DENND3: variants seen among roughly 807,000 people sequenced by gnomAD.
DENND3 encodes the protein DENN domain-containing protein 3.
Under a neutral mutation model 135.1 loss-of-function variants are expected in DENND3, and 88 were observed. That is an observed-to-expected ratio of 0.65 (90% CI 0.55 to 0.78). The LOEUF (loss-of-function observed/expected upper bound fraction) is 0.78. Ranked by LOEUF, DENND3 falls within the 30% of genes least tolerant of loss-of-function variation. The pLI is 0.00. For synonymous variants in DENND3, 693 were observed against 712.3 expected, an observed-to-expected ratio of 0.97 and a Z score of 0.43; for missense variants, 1,392 against 1,688.4, an observed-to-expected ratio of 0.82 and a Z score of 3.08.
intron 1 of DENND3, among the ~76,000 whole-genome samples, chr8:141,131,302 C>T (rs941729451): frequency 6.6e-6 from 1 of 152,196 alleles, no homozygotes; most frequent in Non-Finnish European, 1.5e-5. Flanking sequence ...ATAGGTGTGA[C>T]AGGATCCATT....
intron 20 of DENND3, chr8:141,191,490 T>G (rs1221854196): frequency 6.6e-6 from 1 of 152,286 alleles, no homozygotes; most frequent in Non-Finnish European, 1.5e-5. Context: ...GACTGTTTTC[T>G]GAAGTGGCGG....
rs527621608 is a variant in DENND3 at position 141,194,386 on chromosome 8, C to T, written c.*153C>T. ...CTTACCGTGTGGCCAGCCGCGAGAC[C>T]CATGGCCACGCACCTTCTCTCAGGC... On this transcript the variant is annotated 3_prime_UTR_variant, in exon 23 of 23. Coordinates refer to ENST00000519811, the MANE Select transcript of DENND3 (RefSeq NM_001352890.3). 9.3e-6 allele frequency: 8 copies of T among 863,476 alleles called. No homozygotes were observed. The South Asian group carries it at 1.4e-4, about 15-fold the overall frequency. 53.5% of individuals were successfully genotyped at this position (863,476 alleles called of 1,614,324 possible).
chr8:141,180,165 A>G (rs1822909291), intron 16 of DENND3, among the ~76,000 whole-genome samples: 1 of 152,184 alleles, frequency 6.6e-6, no homozygotes, highest in Non-Finnish European at 1.5e-5. Context: ...AGGCATTTTG[A>G]CAGCACCTGG....
Position 141,146,510 on chromosome 8 carries a change from A to G in DENND3, c.735+2251A>G, listed in dbSNP as rs1818160707. Among the ~76,000 whole-genome samples the G allele has an allele frequency of 1.3e-5, 2 of 152,218 alleles. No individual in the cohort carries two copies. The highest frequency in any genetic ancestry group is 2.4e-5 in the African/African-American group (1 of 41,458). On this transcript the variant is annotated intron_variant, in intron 5 of 22. Coordinates refer to ENST00000519811, the MANE Select transcript of DENND3 (RefSeq NM_001352890.3). The surrounding 1 kb of genome is among the most constrained non-coding windows in gnomAD (Gnocchi z 4.3). ...TAATAGACACCCGTCAAACGTCTCAAAATGTTTAGTAAATGTCGATTCAGT... is the reference window on the plus strand; with the variant it reads ...TAATAGACACCCGTCAAACGTCTCAGAATGTTTAGTAAATGTCGATTCAGT...
In DENND3 at chr8:141,141,504, T is replaced by G; in HGVS notation, c.623+180T>G. ...GGGCAGTTCTCTGTGCCTCTTAGGC[T>G]GTTGCTTAAGGCTGGGGGCAGTGGG... On this transcript the variant is annotated intron_variant, in intron 4 of 22. Transcript: ENST00000519811. The surrounding 1 kb of genome is among the most constrained non-coding windows in gnomAD (Gnocchi z 5.3). The G allele has an allele frequency of 3.2e-6, 2 of 620,512 alleles. No individual in the cohort carries two copies. Among genetic ancestry groups the G allele is most frequent in the Non-Finnish European group, 5.2e-6 (2 of 381,940 alleles). 38.4% of individuals were successfully genotyped at this position (620,512 alleles called of 1,614,324 possible). A position where few individuals can be genotyped will look rare whatever the true frequency, so the allele number is the denominator to read the frequency against.
In DENND3 at chr8:141,151,814, G is replaced by A. The variant is rs758744672; in HGVS notation, c.1051G>A (p.Asp351Asn). 3.3e-5 allele frequency: 53 copies of A among 1,614,024 alleles called. No homozygotes were observed. The highest frequency in any genetic ancestry group is 4.1e-5 in the Non-Finnish European group (48 of 1,180,046). The change falls in exon 7 of 23, where the codon GAC (aspartate) becomes AAC (asparagine). Residue 351 changes from aspartate (D) to asparagine (N), a missense_variant. By Grantham distance (23) the Asp-to-Asn change is conservative. Transcript: ENST00000519811. ...PTSFLMGCHLDHFEEVSKEAD... is the reference protein window; with the variant it reads ...PTSFLMGCHLNHFEEVSKEAD... ...GTCCTTCCTGATGGGCTGCCATCTC[G>A]ACCACTTCGAAGAAGTCAGCAAGGT...
chr8:141,189,168 A>G, intron 19 of DENND3, 22 bp downstream of exon 19: 1 of 1,613,882 alleles, frequency 6.2e-7, no homozygotes, highest in Non-Finnish European at 8.5e-7. Context: ...TCTGCTGGGG[A>G]GAAGGGACTG....
intron 22 of DENND3, 143 bp from the exon 23 acceptor site, chr8:141,193,890 C>T: frequency 1.1e-6 from 1 of 929,586 alleles, no homozygotes; most frequent in East Asian, 2.6e-5. Flanking sequence ...CCAGGCGGCC[C>T]TGACCCTCAG....
At chr8:141,152,596 A>G (rs1406574689) in intron 7 of DENND3, among the ~76,000 whole-genome samples, 1 of 152,212 alleles carries the variant, frequency 6.6e-6, no homozygotes, top group Non-Finnish European at 1.5e-5. Context: ...CATTGTATAA[A>G]TAGACCGAGT....
At chr8:141,187,165 C>G (rs1375489280) in intron 18 of DENND3, among the ~76,000 whole-genome samples, 4 of 151,960 alleles carry the variant, frequency 2.6e-5, no homozygotes, top group African/African-American at 9.7e-5. Flanking sequence ...ACTCCTTGAG[C>G]ATGATAGGAT....
At chr8:141,160,810 T>C (rs368347564) in intron 9 of DENND3, 23 bp downstream of exon 9, 63 of 1,598,606 alleles carry the variant, frequency 3.9e-5, no homozygotes, top group Non-Finnish European at 5.4e-5. Context: ...ACATTCCCAG[T>C]GTCCATGAGG....
At position 141,167,519 on chromosome 8, in the gene DENND3, C is replaced by T. The variant is rs556590380; in HGVS notation, c.1754-485C>T. 8.5e-5 allele frequency among the ~76,000 whole-genome samples: 13 copies of T among 152,304 alleles called. No homozygotes were observed. The East Asian group carries it at 2.5e-3, about 29-fold the overall frequency. On this transcript the variant is annotated intron_variant, in intron 12 of 22. Transcript: ENST00000519811. This position sits in a 1 kb window ranked among gnomAD's most constrained non-coding sequence, Gnocchi z 4.1. ...AGACACACACCTGGTTGAAGTGTGG[C>T]TCAGGCACTTAGTCGCTGTGTACCT...
Position 141,141,577 on chromosome 8 carries a change from G to A in DENND3, c.623+253G>A. The A allele has an allele frequency of 2.0e-6, 1 of 512,722 alleles. No homozygotes were observed. Among genetic ancestry groups the A allele is most frequent in the Admixed American group, 3.3e-5 (1 of 30,004 alleles). 31.8% of individuals were successfully genotyped at this position (512,722 alleles called of 1,614,324 possible). On this transcript the variant is annotated intron_variant, in intron 4 of 22. Coordinates refer to ENST00000519811, the MANE Select transcript of DENND3 (RefSeq NM_001352890.3). The surrounding 1 kb of genome is among the most constrained non-coding windows in gnomAD (Gnocchi z 5.3). Reference sequence around the variant, plus strand: ...TCCTCTCTGTGACTGGTAACATACGGTAATGGCATGGTAGGAAAGGGATGA... The same window carrying A: ...TCCTCTCTGTGACTGGTAACATACGATAATGGCATGGTAGGAAAGGGATGA...
At chr8:141,172,437 C>T (rs1569556348) in intron 13 of DENND3, among the ~76,000 whole-genome samples, 3 of 152,138 alleles carry the variant, frequency 2.0e-5, no homozygotes, top group African/African-American at 7.2e-5. Context: ...GAGCCCTGAG[C>T]GCCCTCACAC....
At chr8:141,173,944 G>T (rs968647213) in intron 13 of DENND3, among the ~76,000 whole-genome samples, 1 of 152,334 alleles carries the variant, frequency 6.6e-6, no homozygotes, top group Middle Eastern at 3.4e-3. Context: ...TTCTTGGGGT[G>T]TAGCAAGTGT....
At chr8:141,163,925 A>T (rs1198078254) in intron 10 of DENND3, among the ~76,000 whole-genome samples, 1 of 151,936 alleles carries the variant, frequency 6.6e-6, no homozygotes, top group East Asian at 1.9e-4. Flanking sequence ...AAAAAAAAAA[A>T]AAAGTATAAT....
intron 5 of DENND3, among the ~76,000 whole-genome samples, chr8:141,149,566 G>A (rs572744827): frequency 7.9e-5 from 12 of 152,342 alleles, no homozygotes; most frequent in African/African-American, 1.4e-4. Context: ...GAGGGTGGAC[G>A]GAGGCCATCC....
chr8:141,165,266 C>T lies in DENND3; in HGVS notation c.1530C>T (p.Leu510=), dbSNP rs370713258. 1.9e-5 allele frequency: 30 copies of T among 1,613,974 alleles called. No individual in the cohort carries two copies. Among genetic ancestry groups the T allele is most frequent in the Admixed American group, 1.2e-4 (7 of 60,006 alleles). The change falls in exon 11 of 23, where the codon CTC becomes CTT. Residue 510 remains leucine (L), a synonymous_variant. Coordinates refer to ENST00000519811, the MANE Select transcript of DENND3 (RefSeq NM_001352890.3). ...RRMDAFAQMD[L]DTQSEEDRIN... ...TGGACGCCTTTGCTCAGATGGACCT[C>T]GACACCCAGTCGGAGGAGGACAGGT...
chr8:141,192,434 C>A lies in DENND3; in HGVS notation c.3483C>A (p.Phe1161Leu), dbSNP rs773519575. Residue 1161 changes from phenylalanine (F) to leucine (L), a missense_variant, in exon 21 of 23, where the codon TTC (phenylalanine) becomes TTA (leucine). Coordinates refer to ENST00000519811, the MANE Select transcript of DENND3 (RefSeq NM_001352890.3). ...ACACCAGTACCTCCTTCCTGGCCTT[C>A]CAGCTCCTTCCTGAGGTATCCCAGC... ...FKDTSTSFLA[F>L]QLLPEEEQLW... 10 of 1,614,234 alleles carry A rather than the reference C, an allele frequency of 6.2e-6. No homozygotes were observed. In the Admixed American group the frequency reaches 1.0e-4, roughly 16 times the overall value.
Sources: allele counts gnomAD v4.1 joint callset (sites outside exome capture counted in the v4.1 genomes callset), GRCh38; gene constraint gnomAD v4.1.1; non-coding constraint Gnocchi (gnomAD v3.1); transcripts MANE v1.5; gene names NCBI Gene and HGNC (gene_info 2026-07-23, HGNC 2026-07-21).